FRMPD1: variants seen among roughly 807,000 people sequenced by gnomAD.
FRMPD1 encodes FERM and PDZ domain-containing protein 1.
FRMPD1 carries 76 observed loss-of-function variants against 117.8 expected under a neutral mutation model. The observed-to-expected ratio is 0.65, with a 90% CI of 0.54 to 0.78. The LOEUF is 0.78. Among genes scored for constraint, FRMPD1 ranks in the 30% least tolerant of loss-of-function variants. FRMPD1 has a pLI of 0.00. For synonymous variants in FRMPD1, 783 were observed against 770.4 expected (o/e 1.02, Z -0.27); for missense variants, 1,786 against 1,964.5 (o/e 0.91, Z 1.72).
At chr9:37,686,341 G>A (rs1821942464) in intron 1 of FRMPD1, among the ~76,000 whole-genome samples, 1 of 152,228 alleles carries the variant, frequency 6.6e-6, no homozygotes, top group Non-Finnish European at 1.5e-5. Flanking sequence ...TTTATGTAAA[G>A]AAACTTTCTA....
the FRMPD1 span, among the ~76,000 whole-genome samples, chr9:37,618,407 A>G: frequency 1.3e-5 from 2 of 152,152 alleles, no homozygotes; most frequent in African/African-American, 4.8e-5. Context: ...TCTCATCAGC[A>G]ACAACAGCCT....
chr9:37,704,615 T>A (rs1822639099), intron 2 of FRMPD1, among the ~76,000 whole-genome samples: 1 of 151,774 alleles, frequency 6.6e-6, no homozygotes, highest in Non-Finnish European at 1.5e-5. Flanking sequence ...AAAACAGGAA[T>A]AATAATTGTA....
At chr9:37,709,491 G>C (rs1021998354) in intron 4 of FRMPD1, among the ~76,000 whole-genome samples, 1 of 151,792 alleles carries the variant, frequency 6.6e-6, no homozygotes, top group African/African-American at 2.4e-5. Flanking sequence ...GGAGGCAGAG[G>C]TTGCAATGGG....
the FRMPD1 span, among the ~76,000 whole-genome samples, chr9:37,626,055 G>A: frequency 6.6e-6 from 1 of 152,046 alleles, no homozygotes; most frequent in Non-Finnish European, 1.5e-5. Flanking sequence ...GGCTGGGCGC[G>A]GTGGCTCATG....
intron 15 of FRMPD1, among the ~76,000 whole-genome samples, chr9:37,741,487 A>G (rs1356952715): frequency 7.0e-6 from 1 of 142,530 alleles, no homozygotes; most frequent in Non-Finnish European, 1.5e-5. Context: ...ACACACACAC[A>G]CACACTGCAT....
intron 1 of FRMPD1, among the ~76,000 whole-genome samples, chr9:37,678,251 C>CTTTTTTTTTTTTT (rs34040451): frequency 7.5e-5 from 6 of 79,844 alleles, no homozygotes; most frequent in East Asian, 5.9e-4. Flanking sequence ...GTACTTACCA[C>CTTTTTTTTTTTTT]TTTTTTTTTT....
At chr9:37,714,185 T>C (rs894085303) in intron 5 of FRMPD1, among the ~76,000 whole-genome samples, 2 of 152,242 alleles carry the variant, frequency 1.3e-5, no homozygotes, top group African/African-American at 4.8e-5. Context: ...CAGGGAAATC[T>C]AATCAGTATA....
intron 2 of FRMPD1, among the ~76,000 whole-genome samples, chr9:37,702,316 A>G (rs903618146): frequency 5.3e-5 from 8 of 152,220 alleles, no homozygotes; most frequent in Non-Finnish European, 1.2e-4. Flanking sequence ...AAAGATCTTC[A>G]CTTGACAATG....
the FRMPD1 span, among the ~76,000 whole-genome samples, chr9:37,619,281 C>G: frequency 6.6e-6 from 1 of 152,194 alleles, no homozygotes; most frequent in Non-Finnish European, 1.5e-5. Context: ...GTGATATTCA[C>G]AACCCGGGCC....
intron 1 of FRMPD1, among the ~76,000 whole-genome samples, chr9:37,662,300 C>T (rs752597815): frequency 6.6e-5 from 10 of 152,132 alleles, no homozygotes; most frequent in Non-Finnish European, 1.5e-4. Context: ...TTCCAAACAT[C>T]CCCTATTAGG....
chr9:37,608,156 C>T, the FRMPD1 span, among the ~76,000 whole-genome samples: 1 of 152,204 alleles, frequency 6.6e-6, no homozygotes, highest in Non-Finnish European at 1.5e-5. Flanking sequence ...GGTCCTTGCT[C>T]GTATTCAATT....
chr9:37,713,940 G>T (rs1283506342), intron 5 of FRMPD1, among the ~76,000 whole-genome samples: 1 of 152,096 alleles, frequency 6.6e-6, no homozygotes, highest in African/African-American at 2.4e-5. Context: ...AACCTTCTGT[G>T]GTCCAAACAC....
chr9:37,743,154 T>G (rs1824500676), intron 15 of FRMPD1, among the ~76,000 whole-genome samples: 1 of 152,218 alleles, frequency 6.6e-6, no homozygotes. Flanking sequence ...AGATCCATCC[T>G]GGGATGCACA....
chr9:37,744,920 G>C lies in FRMPD1; in HGVS notation c.2888G>C (p.Ser963Thr). The change falls in exon 16 of 16, where the codon AGC (serine) becomes ACC (threonine). Residue 963 changes from serine to threonine, a missense_variant. Physicochemically the swap from Ser to Thr is moderately conservative, Grantham distance 58 (BLOSUM62 1). Transcript: ENST00000377765. ...KENSGVVPAA[S>T]SSASTPHCSN... ...AATTCTGGTGTTGTCCCTGCTGCCA[G>C]CTCCTCAGCAAGCACTCCTCACTGT... The C allele has an allele frequency of 6.2e-7, 1 of 1,614,156 alleles. No homozygotes were observed. Among genetic ancestry groups the C allele is most frequent in the African/African-American group, 1.3e-5 (1 of 75,050 alleles).
chr9:37,744,189 C>CA (rs111258392), intron 15 of FRMPD1, among the ~76,000 whole-genome samples, 200 bp from the exon 16 acceptor site: 1 of 151,510 alleles, frequency 6.6e-6, no homozygotes, highest in African/African-American at 2.4e-5. Context: ...GACTCCGTCT[C>CA]AAAAAAATAA....
chr9:37,740,096 G>A lies in FRMPD1; in HGVS notation c.1568G>A (p.Cys523Tyr). 6.2e-7 allele frequency: 1 copy of A among 1,605,724 alleles called. No homozygotes were observed. ...SAEEGYESRACSDSEESSEVD... is the reference protein window; with the variant it reads ...SAEEGYESRAYSDSEESSEVD... The stretch of plus-strand genomic sequence containing the variant: ...GTTGCAGGCTATGAATCCAGGGCCT[G>A]CAGTGACTCAGAGGAGTCCTCTGAG... Residue 523 changes from cysteine (C) to tyrosine (Y), a missense_variant, in exon 15 of 16, where the codon TGC (cysteine) becomes TAC (tyrosine). Coordinates refer to ENST00000377765, the MANE Select transcript of FRMPD1 (RefSeq NM_014907.3). This position sits in a 1 kb window ranked among gnomAD's most constrained non-coding sequence, Gnocchi z 4.2.
In FRMPD1 at chr9:37,709,359, T is replaced by TC. The variant is rs1554665955; in HGVS notation, c.362+861dup. On this transcript the variant is annotated intron_variant, in intron 4 of 15. Coordinates refer to ENST00000377765, the MANE Select transcript of FRMPD1 (RefSeq NM_014907.3). ...TGGGGTGGTATTAATTGTTTTTTTT[T>TC]CCCTTTTTTTTTGAGATGGGGACTT... 3.9e-4 allele frequency among the ~76,000 whole-genome samples: 56 copies of TC among 141,866 alleles called. 2 individuals are homozygous for TC. Among genetic ancestry groups the TC allele is most frequent in the Middle Eastern group, 3.5e-3 (1 of 286 alleles). The allele number at this position is 141,866 out of a possible 152,430, so 93.1% of individuals were successfully genotyped here.
At position 37,717,341 on chromosome 9, in the gene FRMPD1, A is replaced by ATGTGTGTGTGTGTGTGTG. The variant is rs59852335; in HGVS notation, c.409-1716_409-1699dup. On this transcript the variant is annotated intron_variant, in intron 5 of 15. Coordinates refer to ENST00000377765, the MANE Select transcript of FRMPD1 (RefSeq NM_014907.3). ...TATGTGTGTGTGTGTATGTGTATAT[A>ATGTGTGTGTGTGTGTGTG]TGTGTGTGTGTGTGTGTGTGTGTGT... 8.1e-3 allele frequency among the ~76,000 whole-genome samples: 975 copies of ATGTGTGTGTGTGTGTGTG among 120,118 alleles called. 11 individuals carry two copies. Among genetic ancestry groups the ATGTGTGTGTGTGTGTGTG allele is most frequent in the African/African-American group, 0.029 (934 of 32,148 alleles). 78.8% of individuals were successfully genotyped at this position (120,118 alleles called of 152,430 possible). A position where few individuals can be genotyped will look rare whatever the true frequency, so the allele number is the denominator to read the frequency against.
At chr9:37,736,823 C>T (rs1824149385) in intron 13 of FRMPD1, among the ~76,000 whole-genome samples, 1 of 151,672 alleles carries the variant, frequency 6.6e-6, no homozygotes, top group Admixed American at 6.6e-5. Context: ...GTGGGAAGGA[C>T]CCACTGTGTG....
Sources: gnomAD v4.1 joint callset for allele counts (sites outside exome capture counted in the v4.1 genomes callset) on GRCh38, gnomAD v4.1.1 for gene constraint, Gnocchi (gnomAD v3.1) non-coding constraint, MANE v1.5 for transcripts, NCBI Gene and HGNC (gene_info 2026-07-23, HGNC 2026-07-21) for gene names.